TSEN2: variants seen among roughly 807,000 people sequenced by gnomAD.
The protein encoded by TSEN2 is tRNA-splicing endonuclease subunit Sen2.
A neutral mutation model predicts 59.2 loss-of-function variants in TSEN2; 54 were observed. The observed-to-expected ratio is 0.91, with a 90% CI of 0.73 to 1.14. TSEN2 has a LOEUF of 1.14. TSEN2 is among the 50% of genes most tolerant of loss of function. TSEN2 has a pLI of 0.00. For missense variants in TSEN2, 636 were observed against 576.2 expected (o/e 1.10, Z -1.06); for synonymous variants, 195 against 198.2 (o/e 0.98, Z 0.14).
Position 12,484,827 on chromosome 3 carries a change from G to T in TSEN2, c.-71G>T, listed in dbSNP as rs1361223812. The T allele has an allele frequency of 1.3e-5, 2 of 152,506 alleles. No individual in the cohort carries two copies. Among genetic ancestry groups the T allele is most frequent in the Non-Finnish European group, 2.9e-5 (2 of 68,258 alleles). The allele number at this position is 152,506 out of a possible 1,614,324, so 9.4% of individuals were successfully genotyped here. ...CTGACAATGCCCGAGAGGAGCCGCAGCCTCTGGTGGAGTTCGGTCGGGTGT... is the reference window on the plus strand; with the variant it reads ...CTGACAATGCCCGAGAGGAGCCGCATCCTCTGGTGGAGTTCGGTCGGGTGT... On this transcript the variant is annotated 5_prime_UTR_variant, in exon 1 of 12. Coordinates refer to ENST00000284995, the MANE Select transcript of TSEN2 (RefSeq NM_025265.4).
rs750050383 is a variant in TSEN2, at chr3:12,528,897, G to A, written c.1109G>A (p.Arg370Gln). The change falls in exon 9 of 12, where the codon CGG (arginine) becomes CAG (glutamine). Residue 370 changes from arginine to glutamine, a missense_variant. Physicochemically the swap from Arg to Gln is conservative, Grantham distance 43. Transcript: ENST00000284995. Reference protein sequence around the residue: ...LKYGTDLLLYRKGPPFYHASY... With the variant: ...LKYGTDLLLYQKGPPFYHASY... The stretch of plus-strand genomic sequence containing the variant: ...TCTTTCTTCTTTGCAGTGCTATATC[G>A]GAAAGGCCCTCCATTTTACCATGCA... 32 of 1,613,578 alleles carry A rather than the reference G, an allele frequency of 2.0e-5. No individual in the cohort carries two copies. Among genetic ancestry groups the A allele is most frequent in the Admixed American group, 5.0e-5 (3 of 59,950 alleles).
upstream of TSEN2, among the ~76,000 whole-genome samples, chr3:12,482,432 T>G (rs2052203113): frequency 6.6e-6 from 1 of 152,206 alleles, no homozygotes; most frequent in South Asian, 2.1e-4. Context: ...GAAGTGATGA[T>G]TTATTGGACT....
At chr3:12,487,970 C>T (rs2052794109) in intron 1 of TSEN2, among the ~76,000 whole-genome samples, 1 of 152,206 alleles carries the variant, frequency 6.6e-6, no homozygotes, top group South Asian at 2.1e-4. Context: ...GTTCCAACTT[C>T]CCGATTCTTC....
intron 6 of TSEN2, among the ~76,000 whole-genome samples, chr3:12,506,219 T>A (rs1575328538): frequency 6.6e-6 from 1 of 151,720 alleles, no homozygotes; most frequent in Middle Eastern, 3.4e-3. Flanking sequence ...ATGATTCAGA[T>A]CATGTAGTGA....
intron 7 of TSEN2, among the ~76,000 whole-genome samples, chr3:12,517,713 G>A (rs2056277378): frequency 6.6e-6 from 1 of 152,174 alleles, no homozygotes; most frequent in African/African-American, 2.4e-5. Context: ...CCTGACAAAT[G>A]GCTCATTTTC....
At chr3:12,498,238 G>A (rs2053948313) in intron 4 of TSEN2, among the ~76,000 whole-genome samples, 1 of 152,084 alleles carries the variant, frequency 6.6e-6, no homozygotes, top group South Asian at 2.1e-4. Context: ...ATATTCGCAG[G>A]TACTGGGGTG....
chr3:12,486,679 C>G (rs1448839782), intron 1 of TSEN2, among the ~76,000 whole-genome samples: 1 of 152,192 alleles, frequency 6.6e-6, no homozygotes, highest in African/African-American at 2.4e-5. Context: ...TTTCGTCACC[C>G]TCCAAAATAA....
intron 8 of TSEN2, among the ~76,000 whole-genome samples, chr3:12,520,286 C>A (rs1367510140): frequency 6.6e-6 from 1 of 152,148 alleles, no homozygotes; most frequent in Non-Finnish European, 1.5e-5. Context: ...GTGTGAGCCA[C>A]CATGCCGGCC....
intron 2 of TSEN2, 145 bp from the exon 3 acceptor site, chr3:12,491,991 G>T (rs2053262797): frequency 7.4e-6 from 5 of 679,582 alleles, no homozygotes; most frequent in Middle Eastern, 3.1e-4. Context: ...TTATATCAGG[G>T]ACTCGACCAT....
At position 12,484,737 on chromosome 3, in the gene TSEN2, GC is replaced by G. The variant is rs2052413309; in HGVS notation, c.-158del. The G allele has an allele frequency of 6.6e-6, 1 of 152,256 alleles. No homozygotes were observed. Among genetic ancestry groups the G allele is most frequent in the Admixed American group, 6.5e-5 (1 of 15,278 alleles). The allele number at this position is 152,256 out of a possible 1,614,324, so 9.4% of individuals were successfully genotyped here. A position where few individuals can be genotyped will look rare whatever the true frequency, so the allele number is the denominator to read the frequency against. Reference sequence around the variant, plus strand: ...TCCGCGCTTTCCTCGTGCGCCTGCAGCCCTTGGTTCTTGGAAACGCCGGCGC... The same window carrying G: ...TCCGCGCTTTCCTCGTGCGCCTGCAGCCTTGGTTCTTGGAAACGCCGGCGC... On this transcript the variant is annotated 5_prime_UTR_variant, in exon 1 of 12. Transcript: ENST00000284995.
At chr3:12,496,645 C>T in intron 4 of TSEN2, 91 bp downstream of exon 4, 7 of 1,305,306 alleles carry the variant, frequency 5.4e-6, no homozygotes, top group Non-Finnish European at 6.6e-6. Flanking sequence ...GTCCAGTCCA[C>T]ACCTTTTTTT....
rs2056420179 is a variant in TSEN2 at position 12,519,266 on chromosome 3, T to G, written c.1099+69T>G. 6.3e-6 allele frequency: 10 copies of G among 1,578,990 alleles called. No homozygotes were observed. The East Asian group carries it at 2.2e-4, about 35-fold the overall frequency. ...TCAGATTCACCCTAGAATATCAAATTGATCTTGTGTGCTGTTGATGATGTT... is the reference window on the plus strand; with the variant it reads ...TCAGATTCACCCTAGAATATCAAATGGATCTTGTGTGCTGTTGATGATGTT... On this transcript the variant is annotated intron_variant, in intron 8 of 11. Transcript: ENST00000284995.
chr3:12,483,164 T>C (rs1238145192), upstream of TSEN2, among the ~76,000 whole-genome samples: 1 of 152,010 alleles, frequency 6.6e-6, no homozygotes, highest in Non-Finnish European at 1.5e-5. Flanking sequence ...TCGCTTGAGG[T>C]CAGGAGTTTG....
chr3:12,496,130 G>A (rs115415354), intron 3 of TSEN2, among the ~76,000 whole-genome samples: 1,642 of 152,342 alleles, frequency 0.011, 20 homozygotes, highest in Admixed American at 0.015. Flanking sequence ...CATGGAAGGC[G>A]CTTTCAGTGA....
At position 12,520,679 on chromosome 3, in the gene TSEN2, A is replaced by G. The variant is rs563431438; in HGVS notation, c.1099+1482A>G. ...GTAGCAGGCACTTGTAATCCCAGCTATTTGGGAGGCTGAGGCAGGAAAATT... is the reference window on the plus strand; with the variant it reads ...GTAGCAGGCACTTGTAATCCCAGCTGTTTGGGAGGCTGAGGCAGGAAAATT... On this transcript the variant is annotated intron_variant, in intron 8 of 11. Transcript: ENST00000284995. Among the ~76,000 whole-genome samples the G allele has an allele frequency of 6.6e-5, 10 of 152,042 alleles. No individual in the cohort carries two copies. In the South Asian group the frequency reaches 2.1e-3, roughly 32 times the overall value.
downstream of TSEN2, among the ~76,000 whole-genome samples, chr3:12,536,317 T>A: frequency 6.6e-6 from 1 of 152,204 alleles, no homozygotes; most frequent in East Asian, 1.9e-4. Context: ...AATTCATGCA[T>A]GCTGTAGAGG....
intron 8 of TSEN2, 123 bp from the exon 9 acceptor site, chr3:12,528,765 G>T: frequency 1.0e-6 from 1 of 964,384 alleles, no homozygotes; most frequent in Non-Finnish European, 1.6e-6. Flanking sequence ...TCTACATATA[G>T]ATTATTGAGT....
rs1410260749 is a variant in TSEN2, at chr3:12,532,894, T to A, written c.*173T>A. 2 of 688,768 alleles carry A rather than the reference T, an allele frequency of 2.9e-6. No individual in the cohort carries two copies. Among genetic ancestry groups the A allele is most frequent in the Non-Finnish European group, 5.0e-6 (2 of 397,160 alleles). 42.7% of individuals were successfully genotyped at this position (688,768 alleles called of 1,614,324 possible). A position where few individuals can be genotyped will look rare whatever the true frequency, so the allele number is the denominator to read the frequency against. On this transcript the variant is annotated 3_prime_UTR_variant, in exon 12 of 12. Transcript: ENST00000284995. ...TAAATTACACAAGGGAGGAGAAAGA[T>A]CCCTGTGCTAGGACTGCAGATTCTA...
At chr3:12,520,420 A>AAAT (rs1237908462) in intron 8 of TSEN2, among the ~76,000 whole-genome samples, 1 of 152,216 alleles carries the variant, frequency 6.6e-6, no homozygotes, top group Non-Finnish European at 1.5e-5. Flanking sequence ...ACGCTTTTAG[A>AAAT]AATGTCTGAC....
Sources: allele counts gnomAD v4.1 joint callset (sites outside exome capture counted in the v4.1 genomes callset), GRCh38; gene constraint gnomAD v4.1.1; transcripts MANE v1.5; gene names NCBI Gene and HGNC (gene_info 2026-07-23, HGNC 2026-07-21).